Variants in XYLB observed in about 807,000 individuals in gnomAD.
The protein encoded by XYLB is xylulose kinase.
A neutral mutation model predicts 78.7 loss-of-function variants in XYLB; 62 were observed. The ratio of observed to expected loss-of-function variants is 0.79; its 90% confidence interval spans 0.64 to 0.97. The LOEUF (loss-of-function observed/expected upper bound fraction) is 0.97, where lower values mean the gene tolerates loss of function less well. Ranked by LOEUF, XYLB falls within the 50% of genes least tolerant of loss-of-function variation. XYLB has a pLI of 0.00. For synonymous variants in XYLB, 245 were observed against 247.4 expected, an observed-to-expected ratio of 0.99 and a Z score of 0.09; for missense variants, 687 against 676.8, an observed-to-expected ratio of 1.02 and a Z score of -0.17.
the XYLB span, among the ~76,000 whole-genome samples, chr3:38,449,883 G>T: frequency 6.6e-6 from 1 of 152,220 alleles, no homozygotes; most frequent in Admixed American, 6.5e-5. Flanking sequence ...GAGAGATAGT[G>T]TTAGCTTTCT....
intron 2 of XYLB, chr3:38,356,260 AAAAAAAG>A (rs201191915): frequency 0.032 from 4,966 of 152,880 alleles, 275 homozygotes; most frequent in East Asian, 0.22. Context: ...CAAAAAAAAA[AAAAAAAG>A]AAAGAGAAAA....
chr3:38,355,669 C>T (rs1705607578), intron 2 of XYLB: 1 of 700,716 alleles, frequency 1.4e-6, no homozygotes, highest in Admixed American at 2.0e-5. Flanking sequence ...GTGATCAGGC[C>T]TCTAAAAGAC....
intron 2 of XYLB, among the ~76,000 whole-genome samples, chr3:38,355,505 T>C (rs1449164041): frequency 6.6e-6 from 1 of 152,222 alleles, no homozygotes; most frequent in Admixed American, 6.5e-5. Context: ...TTTTTTATCC[T>C]TTTACTACTG....
intron 2 of XYLB, among the ~76,000 whole-genome samples, chr3:38,352,339 A>G (rs1487743902): frequency 6.6e-6 from 1 of 152,216 alleles, no homozygotes; most frequent in Non-Finnish European, 1.5e-5. Context: ...ACACAATGGA[A>G]TACTACACAT....
chr3:38,405,565 C>A (rs1376160062), intron 18 of XYLB, among the ~76,000 whole-genome samples: 1 of 152,150 alleles, frequency 6.6e-6, no homozygotes, highest in African/African-American at 2.4e-5. Flanking sequence ...CGTGCGCAAG[C>A]CGAAGCAGGG....
At chr3:38,395,611 T>C in intron 16 of XYLB, 48 bp downstream of exon 16, 2 of 1,587,208 alleles carry the variant, frequency 1.3e-6, no homozygotes, top group Non-Finnish European at 8.7e-7. Context: ...CCATATCTGT[T>C]ATGTCTAAGA....
the XYLB span, among the ~76,000 whole-genome samples, chr3:38,430,858 T>C: frequency 1.3e-5 from 2 of 152,202 alleles, no homozygotes; most frequent in Admixed American, 1.3e-4. Flanking sequence ...AAAGATCAGA[T>C]AGTTGTAGAT....
the XYLB span, among the ~76,000 whole-genome samples, chr3:38,441,943 G>C: frequency 6.6e-6 from 1 of 152,154 alleles, no homozygotes; most frequent in South Asian, 2.1e-4. Flanking sequence ...GCTTGTACTA[G>C]GGCCTGCTTT....
intron 15 of XYLB, among the ~76,000 whole-genome samples, chr3:38,379,966 T>C (rs773082619): frequency 2.0e-5 from 3 of 152,222 alleles, no homozygotes; most frequent in East Asian, 1.9e-4. Flanking sequence ...TGCTTGCTAG[T>C]AGGGCTCTCT....
chr3:38,397,868 G>A (rs566873729), intron 17 of XYLB, among the ~76,000 whole-genome samples: 2 of 149,222 alleles, frequency 1.3e-5, no homozygotes, highest in South Asian at 4.2e-4. Flanking sequence ...CACCAGGTTG[G>A]AGTGCAGTGG....
intron 4 of XYLB, 30 bp downstream of exon 4, chr3:38,363,047 G>A (rs1706061380): frequency 6.6e-7 from 1 of 1,508,522 alleles, no homozygotes; most frequent in Non-Finnish European, 8.9e-7. Context: ...TGTCTGCCAT[G>A]TGAGGGTGAC....
the XYLB span, among the ~76,000 whole-genome samples, chr3:38,446,391 C>A: frequency 1.3e-5 from 2 of 152,192 alleles, no homozygotes; most frequent in African/African-American, 4.8e-5. Context: ...ATTTTACAAT[C>A]CTCTTGTAAG....
At chr3:38,382,692 C>T (rs879757050) in intron 15 of XYLB, among the ~76,000 whole-genome samples, 5 of 152,106 alleles carry the variant, frequency 3.3e-5, no homozygotes, top group African/African-American at 4.8e-5. Context: ...AGGGGTCCTC[C>T]GGCTGTCAGA....
rs3219563 is a variant in XYLB at position 38,370,240 on chromosome 3, GCA to G, written c.765+92_765+93del. 6.3e-3 allele frequency: 4,096 copies of G among 646,950 alleles called. 12 individuals are homozygous for G. Among genetic ancestry groups the G allele is most frequent in the African/African-American group, 0.033 (1,803 of 55,054 alleles). 40.1% of individuals were successfully genotyped at this position (646,950 alleles called of 1,614,324 possible). A position where few individuals can be genotyped will look rare whatever the true frequency, so the allele number is the denominator to read the frequency against. On this transcript the variant is annotated intron_variant, in intron 9 of 18. Transcript: ENST00000207870. The stretch of plus-strand genomic sequence containing the variant: ...GCAGCTACCAGGGAAGCACTGTAGC[GCA>G]CACACACACACACACACACACACAC...
At chr3:38,400,865 A>T (rs1223106746) in intron 17 of XYLB, 26 bp from the exon 18 acceptor site, 2 of 1,601,368 alleles carry the variant, frequency 1.2e-6, no homozygotes, top group Non-Finnish European at 1.7e-6. Flanking sequence ...AACATGCACT[A>T]ATGTGAAGTG....
In XYLB at chr3:38,413,977, A is replaced by G. The variant is rs1708703770; in HGVS notation, c.*964A>G. ...TTGAGTTTTCTTCCTATATTTGTAT[A>G]GTGAGTTCCTTTTTCCTTCCTCTTT... On this transcript the variant is annotated 3_prime_UTR_variant, in exon 19 of 19. Coordinates refer to ENST00000207870, the MANE Select transcript of XYLB (RefSeq NM_005108.4). 1 of 152,170 alleles carries G rather than the reference A, an allele frequency of 6.6e-6. No homozygotes were observed. The highest frequency in any genetic ancestry group is 2.1e-4 in the South Asian group (1 of 4,830). 9.4% of individuals were successfully genotyped at this position (152,170 alleles called of 1,614,324 possible).
chr3:38,366,148 C>T (rs1023414373), intron 6 of XYLB, among the ~76,000 whole-genome samples: 2 of 151,676 alleles, frequency 1.3e-5, no homozygotes, highest in Non-Finnish European at 2.9e-5. Context: ...AATAGTGTCT[C>T]TGTTCCACAG....
chr3:38,417,917 C>T (rs867720116), downstream of XYLB, among the ~76,000 whole-genome samples: 23 of 148,812 alleles, frequency 1.5e-4, no homozygotes, highest in Middle Eastern at 0.011. Context: ...TCAGGCCGGG[C>T]GTGGTGTCTC....
chr3:38,438,684 T>C, the XYLB span, among the ~76,000 whole-genome samples: 1 of 152,206 alleles, frequency 6.6e-6, no homozygotes, highest in Non-Finnish European at 1.5e-5. Context: ...GCAAGATTTA[T>C]TGTGAAGAGC....
Sources: allele counts gnomAD v4.1 joint callset (sites outside exome capture counted in the v4.1 genomes callset), GRCh38; gene constraint gnomAD v4.1.1; transcripts MANE v1.5; gene names NCBI Gene and HGNC (gene_info 2026-07-23, HGNC 2026-07-21).